Variants in DLG2 observed in about 807,000 individuals in gnomAD.
The protein encoded by DLG2 is discs large MAGUK scaffold protein 2.
Under a neutral mutation model 132.5 loss-of-function variants are expected in DLG2, and 45 were observed. The observed-to-expected ratio is 0.34, with a 90% confidence interval of 0.27 to 0.44. The LOEUF (loss-of-function observed/expected upper bound fraction) is 0.44. Among genes scored for constraint, DLG2 ranks in the 20% least tolerant of loss-of-function variants. The pLI is 1.00. For missense variants in DLG2, 1,045 were observed against 1,196.9 expected, an observed-to-expected ratio of 0.87 and a Z score of 1.87; for synonymous variants, 424 against 419.6, an observed-to-expected ratio of 1.01 and a Z score of -0.13.
At chr11:84,412,652 G>T (rs143184688) in intron 7 of DLG2, among the ~76,000 whole-genome samples, 1 of 152,152 alleles carries the variant, frequency 6.6e-6, no homozygotes, top group Admixed American at 6.5e-5. Flanking sequence ...CTAGGTGAGG[G>T]AGCTGAGCAC....
At chr11:84,783,871 T>A (rs942527127) in intron 6 of DLG2, among the ~76,000 whole-genome samples, 4 of 152,124 alleles carry the variant, frequency 2.6e-5, no homozygotes, top group African/African-American at 9.7e-5. Flanking sequence ...ACATATATGT[T>A]AAGCTCCCAT....
chr11:84,674,569 C>G (rs938688586), intron 6 of DLG2, among the ~76,000 whole-genome samples: 29 of 152,028 alleles, frequency 1.9e-4, no homozygotes, highest in African/African-American at 7.0e-4. Flanking sequence ...ATATTTTACA[C>G]AAAACAAAAC....
intron 7 of DLG2, among the ~76,000 whole-genome samples, chr11:84,345,793 G>A (rs533514689): frequency 6.6e-6 from 1 of 152,226 alleles, no homozygotes; most frequent in East Asian, 1.9e-4. Flanking sequence ...TGCAAATAAA[G>A]ATTTATTGGA....
chr11:85,563,597 G>T (rs1405012187), intron 3 of DLG2, among the ~76,000 whole-genome samples: 1 of 151,574 alleles, frequency 6.6e-6, no homozygotes, highest in African/African-American at 2.4e-5. Flanking sequence ...ACTTTGTTCA[G>T]CATAGTGTTT....
intron 7 of DLG2, among the ~76,000 whole-genome samples, chr11:84,326,065 C>T (rs1434181609): frequency 2.6e-5 from 4 of 151,848 alleles, no homozygotes; most frequent in African/African-American, 9.7e-5. Flanking sequence ...CTTTTTATTT[C>T]CATATAACCA....
chr11:84,105,089 T>C (rs910423476), intron 9 of DLG2, among the ~76,000 whole-genome samples: 5 of 152,164 alleles, frequency 3.3e-5, no homozygotes, highest in African/African-American at 1.2e-4. Flanking sequence ...TTGTCTCTTC[T>C]GAATTCAAAA....
intron 6 of DLG2, among the ~76,000 whole-genome samples, chr11:85,051,109 T>A (rs754951857): frequency 1.3e-5 from 2 of 152,132 alleles, no homozygotes; most frequent in Non-Finnish European, 2.9e-5. Flanking sequence ...GTTCCTATTA[T>A]TTTCACATTC....
rs2153293332 is a variant in DLG2, at chr11:85,626,694, G to A, written c.-200C>T. The A allele has an allele frequency of 6.6e-6, 1 of 152,276 alleles. No individual in the cohort carries two copies. The highest frequency in any genetic ancestry group is 2.4e-5 in the African/African-American group (1 of 41,552). 9.4% of individuals were successfully genotyped at this position (152,276 alleles called of 1,614,324 possible). ...TTTGATCCAGCTGGATTGAGGCCAA[G>A]AGCCAGGTAACTGTTGCAAACCACT... is the stretch of plus-strand genomic sequence containing the variant. On this transcript the variant is annotated 5_prime_UTR_variant, in exon 2 of 28. Transcript: ENST00000376104.
At chr11:84,653,746 T>C (rs1439959416) in intron 6 of DLG2, among the ~76,000 whole-genome samples, 1 of 152,200 alleles carries the variant, frequency 6.6e-6, no homozygotes, top group East Asian at 1.9e-4. Context: ...TATTTCCACC[T>C]GGGTCTCAGG....
At chr11:84,174,658 G>C (rs368992548) in intron 8 of DLG2, among the ~76,000 whole-genome samples, 2 of 152,094 alleles carry the variant, frequency 1.3e-5, no homozygotes, top group East Asian at 3.9e-4. Context: ...ACAAAAAAAG[G>C]CCTCTGCCTT....
intron 6 of DLG2, among the ~76,000 whole-genome samples, chr11:85,053,524 C>T (rs538699302): frequency 1.3e-5 from 2 of 151,326 alleles, no homozygotes; most frequent in East Asian, 3.9e-4. Context: ...CGTGGTGGCT[C>T]ACGCCTGTAA....
chr11:84,518,030 T>G (rs1295479136), intron 7 of DLG2, among the ~76,000 whole-genome samples: 1 of 150,334 alleles, frequency 6.7e-6, no homozygotes, highest in Non-Finnish European at 1.5e-5. Flanking sequence ...GGAGATGTTG[T>G]CAAAGGATAC....
chr11:85,464,074 T>C (rs1177714756), intron 3 of DLG2, among the ~76,000 whole-genome samples: 1 of 149,402 alleles, frequency 6.7e-6, no homozygotes, highest in African/African-American at 2.5e-5. Context: ...TTGTATCATA[T>C]ACAAGGTGCT....
At chr11:84,502,211 CTTCCTT>C (rs2099212008) in intron 7 of DLG2, among the ~76,000 whole-genome samples, 1 of 1,678 alleles carries the variant, frequency 6.0e-4, no homozygotes, top group Non-Finnish European at 1.2e-3. Flanking sequence ...TCCTTCCTTC[CTTCCTT>C]CCTTCCTTCC....
intron 10 of DLG2, among the ~76,000 whole-genome samples, chr11:84,084,263 T>G (rs1366409499): frequency 6.6e-6 from 1 of 152,218 alleles, no homozygotes; most frequent in African/African-American, 2.4e-5. Flanking sequence ...TGGGGACTGC[T>G]GTCGCTGTGC....
At chr11:84,122,682 G>A (rs148175884) in intron 9 of DLG2, among the ~76,000 whole-genome samples, 249 of 152,288 alleles carry the variant, frequency 1.6e-3, no homozygotes, top group African/African-American at 5.4e-3. Context: ...ATAAACTAAT[G>A]TTCTTTTCAC....
chr11:84,502,291 T>TC (rs2099216558), intron 7 of DLG2, among the ~76,000 whole-genome samples: 1 of 2,930 alleles, frequency 3.4e-4, no homozygotes, highest in Non-Finnish European at 5.7e-4. Context: ...TCTTTCTTTC[T>TC]TTCTTTCTTT....
chr11:83,693,076 A>T (rs759614531), intron 18 of DLG2: 2 of 152,212 alleles, frequency 1.3e-5, no homozygotes, highest in Non-Finnish European at 2.9e-5. Flanking sequence ...GAGAAAGTAA[A>T]TAAGCTTCTA....
Position 83,456,277 on chromosome 11 carries a change from C to T in DLG2, c.*3541G>A, listed in dbSNP as rs1316098315. 2.0e-5 allele frequency: 3 copies of T among 152,900 alleles called. 1 individual carries two copies. The Admixed American group carries it at 2.0e-4, about 10-fold the overall frequency. The allele number at this position is 152,900 out of a possible 1,614,324, so 9.5% of individuals were successfully genotyped here. On this transcript the variant is annotated 3_prime_UTR_variant, in exon 28 of 28. Coordinates refer to ENST00000376104, the MANE Select transcript of DLG2 (RefSeq NM_001142699.3). ...CCCACAGCACATGCATCATCGCTGC[C>T]AGGGCAACGGTGCAGGCTGGCTCCG...
Sources: allele counts gnomAD v4.1 joint callset (sites outside exome capture counted in the v4.1 genomes callset), GRCh38; gene constraint gnomAD v4.1.1; transcripts MANE v1.5; gene names NCBI Gene and HGNC (gene_info 2026-07-23, HGNC 2026-07-21).